Variants in FXYD5 observed in about 807,000 individuals in gnomAD.
FXYD5 encodes FXYD domain-containing ion transport regulator 5.
In FXYD5, 21 loss-of-function variants were observed where a neutral mutation model predicts 25.7. That is an observed-to-expected ratio of 0.82 (90% CI 0.58 to 1.18). The LOEUF is 1.18. Ranked by LOEUF, FXYD5 falls within the 50% of genes most tolerant of loss-of-function variation. The pLI is 0.00. For missense variants in FXYD5, 229 were observed against 227.7 expected (o/e 1.01, Z -0.04); for synonymous variants, 101 against 90.7 (o/e 1.11, Z -0.64).
chr19:35,159,978 G>A (rs1292070906), intron 4 of FXYD5: 3 of 201,792 alleles, frequency 1.5e-5, no homozygotes, highest in East Asian at 1.4e-4. Context: ...AGGCTGAGGC[G>A]GGTGGATCGC....
intron 1 of FXYD5, 179 bp from the exon 2 acceptor site, chr19:35,155,372 G>A (rs1600497406): frequency 3.3e-6 from 2 of 602,832 alleles, no homozygotes; most frequent in Non-Finnish European, 6.0e-6. Flanking sequence ...GTGACGGTTT[G>A]GTATCCCCAC....
chr19:35,162,344 C>T (rs549567019), intron 5 of FXYD5, among the ~76,000 whole-genome samples: 2 of 152,334 alleles, frequency 1.3e-5, no homozygotes, highest in South Asian at 4.1e-4. Context: ...TTCCAGACTT[C>T]ACCTAGGGTT....
Position 35,157,427 on chromosome 19 carries a change from C to A in FXYD5, c.68C>A (p.Thr23Lys). The A allele has an allele frequency of 6.3e-7, 1 of 1,575,066 alleles. No homozygotes were observed. Among genetic ancestry groups the A allele is most frequent in the Non-Finnish European group, 8.7e-7 (1 of 1,144,850 alleles). The change falls in exon 3 of 9, where the codon ACG becomes AAG. Residue 23 changes from threonine to lysine, a missense_variant. By Grantham distance (78) the Thr-to-Lys change is moderately conservative. Coordinates refer to ENST00000392219, the MANE Select transcript of FXYD5 (RefSeq NM_014164.6). Reference protein sequence around the residue: ...VGLILPTRGQTLKDTTSSSSA... With the variant: ...VGLILPTRGQKLKDTTSSSSA... Reference sequence around the variant, plus strand: ...CTCATCCTTGATTCCCCAGGACAGACGTTGAAAGATACCACGTCCAGTTCT... The same window carrying A: ...CTCATCCTTGATTCCCCAGGACAGAAGTTGAAAGATACCACGTCCAGTTCT...
At chr19:35,157,308 A>G (rs1600500295) in intron 2 of FXYD5, 113 bp from the exon 3 acceptor site, 1 of 637,890 alleles carries the variant, frequency 1.6e-6, no homozygotes, top group Non-Finnish European at 2.8e-6. Context: ...GCCAAAGCTG[A>G]GTGATTCCAC....
intron 8 of FXYD5, 25 bp downstream of exon 8, chr19:35,166,350 G>C (rs762781344): frequency 5.6e-5 from 81 of 1,448,102 alleles, no homozygotes; most frequent in Non-Finnish European, 7.6e-5. Flanking sequence ...TGGGTGGGAA[G>C]GACACCAAGA....
At chr19:35,163,522 C>T (rs2065424005) in intron 5 of FXYD5, among the ~76,000 whole-genome samples, 1 of 151,804 alleles carries the variant, frequency 6.6e-6, no homozygotes, top group Non-Finnish European at 1.5e-5. Context: ...TGCTCTGTTG[C>T]CCAGACTGGA....
intron 3 of FXYD5, 68 bp downstream of exon 3, chr19:35,157,569 C>T (rs1238537298): frequency 1.2e-6 from 1 of 841,944 alleles, no homozygotes; most frequent in South Asian, 1.4e-5. Flanking sequence ...AAATCCCAAA[C>T]TTGGACCAAA....
rs535036309 is a variant in FXYD5 at position 35,161,873 on chromosome 19, C to T, written c.292+1072C>T. 4.6e-5 allele frequency among the ~76,000 whole-genome samples: 7 copies of T among 152,314 alleles called. No homozygotes were observed. The South Asian group carries it at 6.2e-4, about 14-fold the overall frequency. On this transcript the variant is annotated intron_variant, in intron 5 of 8. Coordinates refer to ENST00000392219, the MANE Select transcript of FXYD5 (RefSeq NM_014164.6). Reference sequence around the variant, plus strand: ...GGTACTGAACGAGAGCACCACCTCTCGGGCAATGCCATTCCCTTTGTCGGT... The same window carrying T: ...GGTACTGAACGAGAGCACCACCTCTTGGGCAATGCCATTCCCTTTGTCGGT...
intron 2 of FXYD5, 60 bp from the exon 3 acceptor site, chr19:35,157,347 AGGGAGGCGAGGGCG>A (rs2065365142): frequency 1.3e-6 from 1 of 742,914 alleles, no homozygotes. Context: ...AGGTTTCACC[AGGGAGGCGAGGGCG>A]GGGGTGGTGA....
At chr19:35,167,285 A>C (rs1623779) in intron 8 of FXYD5, among the ~76,000 whole-genome samples, 1 of 152,044 alleles carries the variant, frequency 6.6e-6, no homozygotes, top group Non-Finnish European at 1.5e-5. Flanking sequence ...CCTGAGGGAC[A>C]AGAGGAGGCA....
At chr19:35,160,577 C>T in intron 4 of FXYD5, 132 bp from the exon 5 acceptor site, 1 of 666,928 alleles carries the variant, frequency 1.5e-6, no homozygotes, top group Non-Finnish European at 2.8e-6. Flanking sequence ...AACTCCCGAC[C>T]TAAGGTAATC....
At chr19:35,161,704 T>C (rs1004641765) in intron 5 of FXYD5, among the ~76,000 whole-genome samples, 1 of 152,018 alleles carries the variant, frequency 6.6e-6, no homozygotes, top group Non-Finnish European at 1.5e-5. Context: ...TACCAGAAGG[T>C]GTGGGAAAGG....
At chr19:35,167,043 G>A (rs765477463) in intron 8 of FXYD5, among the ~76,000 whole-genome samples, 1 of 152,192 alleles carries the variant, frequency 6.6e-6, no homozygotes, top group Non-Finnish European at 1.5e-5. Flanking sequence ...AAGAATAGAG[G>A]CTTGAAGCAG....
At chr19:35,159,879 G>T in intron 4 of FXYD5, 1 of 475,644 alleles carries the variant, frequency 2.1e-6, no homozygotes, top group Non-Finnish European at 3.6e-6. Context: ...GACAATACAG[G>T]GCAAAGGACA....
At position 35,157,418 on chromosome 19, in the gene FXYD5, C is replaced by A; in HGVS notation, c.62-3C>A. On this transcript the variant is annotated splice_region_variant and splice_polypyrimidine_tract_variant and intron_variant, in intron 2 of 8. Transcript: ENST00000392219. The stretch of plus-strand genomic sequence containing the variant: ...TCCTGACTTCTCATCCTTGATTCCC[C>A]AGGACAGACGTTGAAAGATACCACG... 3.9e-6 allele frequency: 6 copies of A among 1,557,156 alleles called. No individual in the cohort carries two copies. Among genetic ancestry groups the A allele is most frequent in the Non-Finnish European group, 5.3e-6 (6 of 1,128,614 alleles).
At chr19:35,162,861 G>A (rs2145421664) in intron 5 of FXYD5, among the ~76,000 whole-genome samples, 1 of 152,358 alleles carries the variant, frequency 6.6e-6, no homozygotes, top group East Asian at 1.9e-4. Flanking sequence ...AAGAAAGGGA[G>A]AGCTGTTCCA....
chr19:35,159,794 G>A (rs982977563), intron 4 of FXYD5: 9 of 934,690 alleles, frequency 9.6e-6, no homozygotes, highest in South Asian at 1.9e-5. Context: ...CTGGTTCAAG[G>A]TCTCACAACA....
At position 35,169,234 on chromosome 19, in the gene FXYD5, T is replaced by C. The variant is rs568625207; in HGVS notation, c.488-332T>C. 8.5e-5 allele frequency among the ~76,000 whole-genome samples: 13 copies of C among 152,346 alleles called. No individual in the cohort carries two copies. The East Asian group carries it at 2.5e-3, about 29-fold the overall frequency. Reference sequence around the variant, plus strand: ...CATTTGATTTTGTAATTTTTCTCCTTGTTGGTCTTTCCCCATAGAAAGACA... The same window carrying C: ...CATTTGATTTTGTAATTTTTCTCCTCGTTGGTCTTTCCCCATAGAAAGACA... On this transcript the variant is annotated intron_variant, in intron 8 of 8. Transcript: ENST00000392219.
chr19:35,159,726 G>C, intron 4 of FXYD5: 1 of 1,417,986 alleles, frequency 7.1e-7, no homozygotes, highest in Non-Finnish European at 9.3e-7. Flanking sequence ...CAAACCCTAA[G>C]AGGCAGAAAT....
Sources: gnomAD v4.1 joint callset for allele counts (sites outside exome capture counted in the v4.1 genomes callset) on GRCh38, gnomAD v4.1.1 for gene constraint, MANE v1.5 for transcripts, NCBI Gene and HGNC (gene_info 2026-07-23, HGNC 2026-07-21) for gene names.